Variants in TARDBP observed in about 807,000 individuals in gnomAD.
TARDBP encodes the protein TAR DNA binding protein, also known as TAR DNA-binding protein 43.
In TARDBP, 4 loss-of-function variants were observed where a neutral mutation model predicts 38.3. That is an observed-to-expected ratio of 0.10 (90% confidence interval 0.05 to 0.24). The LOEUF (loss-of-function observed/expected upper bound fraction) is 0.24. Among genes scored for constraint, TARDBP ranks in the 10% least tolerant of loss-of-function variants. The pLI is 1.00. For synonymous variants in TARDBP, 184 were observed against 183.8 expected, an observed-to-expected ratio of 1.00 and a Z score of -0.01; for missense variants, 202 against 521.9, an observed-to-expected ratio of 0.39 and a Z score of 5.97.
rs1455796855 is a variant in TARDBP at position 11,024,880 on chromosome 1, TG to T, written c.*2228del. The T allele has an allele frequency of 6.5e-6, 1 of 152,702 alleles. No individual in the cohort carries two copies. The highest frequency in any genetic ancestry group is 2.4e-5 in the African/African-American group (1 of 41,478). The allele number at this position is 152,702 out of a possible 1,614,324, so 9.5% of individuals were successfully genotyped here. A position where few individuals can be genotyped will look rare whatever the true frequency, so the allele number is the denominator to read the frequency against. On this transcript the variant is annotated 3_prime_UTR_variant, in exon 6 of 6. Coordinates refer to ENST00000240185, the MANE Select transcript of TARDBP (RefSeq NM_007375.4). Reference sequence around the variant, plus strand: ...TGGAAGAATGTGATATTTGTTGTGTTGGTAGTTTACCTAATGCCCTTACCTA... The same window carrying T: ...TGGAAGAATGTGATATTTGTTGTGTTGTAGTTTACCTAATGCCCTTACCTA...
At chr1:11,027,547 T>C, downstream of TARDBP, 1 of 1,614,246 alleles carries the variant, frequency 6.2e-7, no homozygotes, top group Non-Finnish European at 8.5e-7. Flanking sequence ...CCTGCTGCTG[T>C]GGTTCCACCT....
At chr1:11,026,602 G>A (rs1223830444), downstream of TARDBP, 1 of 264,070 alleles carries the variant, frequency 3.8e-6, no homozygotes, top group Non-Finnish European at 7.1e-6. Context: ...AAAAGAGACT[G>A]GCTTTTTAAG....
chr1:11,018,921 A>AGGATTGT (rs1557657865), intron 4 of TARDBP, 48 bp downstream of exon 4: 1 of 1,612,862 alleles, frequency 6.2e-7, no homozygotes, highest in Admixed American at 1.7e-5. Context: ...ACTTCCTTAG[A>AGGATTGT]GGATTGTAAG....
At position 11,023,113 on chromosome 1, in the gene TARDBP, G is replaced by A; in HGVS notation, c.*459G>A. 6.5e-7 allele frequency: 1 copy of A among 1,531,768 alleles called. No individual in the cohort carries two copies. Among genetic ancestry groups the A allele is most frequent in the Non-Finnish European group, 8.8e-7 (1 of 1,134,930 alleles). 94.9% of individuals were successfully genotyped at this position (1,531,768 alleles called of 1,614,324 possible). On this transcript the variant is annotated 3_prime_UTR_variant, in exon 6 of 6. Coordinates refer to ENST00000240185, the MANE Select transcript of TARDBP (RefSeq NM_007375.4). ...GGAGATCATGGTGTCACAGTGTTTG[G>A]TTCTTTTGTTTTGTTTTTTAACACT...
chr1:11,028,242 T>C (rs571734586), downstream of TARDBP, among the ~76,000 whole-genome samples: 2 of 151,842 alleles, frequency 1.3e-5, no homozygotes, highest in Admixed American at 6.6e-5. Context: ...ATTAGGAAAA[T>C]TAACAGGGCA....
downstream of TARDBP, chr1:11,025,917 G>C (rs74054484): frequency 0.027 from 4,148 of 154,924 alleles, 190 homozygotes; most frequent in African/African-American, 0.095. Context: ...GTGTGTATTA[G>C]GGTTCTGTAC....
chr1:11,029,878 C>CAAAG (rs1643812881), downstream of TARDBP: 3 of 197,680 alleles, frequency 1.5e-5, no homozygotes, highest in Non-Finnish European at 2.0e-5. Flanking sequence ...CCTGCCTCGG[C>CAAAG]CTCCCAAAGT....
intron 2 of TARDBP, among the ~76,000 whole-genome samples, chr1:11,015,039 G>A (rs1416012909): frequency 2.0e-5 from 3 of 151,628 alleles, no homozygotes; most frequent in East Asian, 3.9e-4. Flanking sequence ...CCTGGGAGGC[G>A]GAGATTACTT....
downstream of TARDBP, chr1:11,027,312 T>C (rs1170938715): frequency 6.2e-7 from 1 of 1,614,056 alleles, no homozygotes; most frequent in South Asian, 1.1e-5. Flanking sequence ...GATGTTGCTA[T>C]TGATTACAAC....
intron 3 of TARDBP, 125 bp downstream of exon 3, chr1:11,017,132 C>A: frequency 9.7e-7 from 1 of 1,027,050 alleles, no homozygotes; most frequent in Non-Finnish European, 1.5e-6. Flanking sequence ...AACTCCTGGG[C>A]CCATACTGTC....
chr1:11,014,155 A>G (rs893744000), intron 2 of TARDBP, among the ~76,000 whole-genome samples, 190 bp downstream of exon 2: 2 of 152,228 alleles, frequency 1.3e-5, no homozygotes, highest in Admixed American at 1.3e-4. Flanking sequence ...AGATCATTTT[A>G]AAAGAGAAAA....
At position 11,024,958 on chromosome 1, in the gene TARDBP, T is replaced by A. The variant is rs1387906014; in HGVS notation, c.*2304T>A. The A allele has an allele frequency of 1.3e-5, 2 of 149,320 alleles. No individual in the cohort carries two copies. Among genetic ancestry groups the A allele is most frequent in the East Asian group, 4.0e-4 (2 of 5,056 alleles). 9.2% of individuals were successfully genotyped at this position (149,320 alleles called of 1,614,324 possible). ...ATTTTGCAAGTTACATAAACATTTA[T>A]CAATGAAGTCATCCTTTAGACTTGT... On this transcript the variant is annotated 3_prime_UTR_variant, in exon 6 of 6. Transcript: ENST00000240185.
At chr1:11,014,040 C>G in intron 2 of TARDBP, 75 bp downstream of exon 2, 1 of 1,432,670 alleles carries the variant, frequency 7.0e-7, no homozygotes. Context: ...ATCTTAGCCT[C>G]TTTTGGTGGC....
chr1:11,020,298 A>T, intron 4 of TARDBP, 131 bp from the exon 5 acceptor site: 1 of 1,038,952 alleles, frequency 9.6e-7, no homozygotes, highest in Non-Finnish European at 1.4e-6. Flanking sequence ...GGAAAAAATT[A>T]AGGGTACGTC....
At chr1:11,027,467 G>A (rs1782455), downstream of TARDBP, 1,301,047 of 1,613,586 alleles carry the variant, frequency 0.81, 534,265 homozygotes, top group East Asian at 0.87. Flanking sequence ...TGTCCAGGGC[G>A]GATGCATCAT....
rs1643464848 is a variant in TARDBP, at chr1:11,013,910, G to A, written c.183G>A (p.Leu61=). 6.2e-7 allele frequency: 1 copy of A among 1,614,178 alleles called. No homozygotes were observed. Among genetic ancestry groups the A allele is most frequent in the East Asian group, 2.2e-5 (1 of 44,880 alleles). ...MRGVRLVEGI[L]HAPDAGWGNL... The stretch of plus-strand genomic sequence containing the variant: ...GTGTCCGGCTGGTAGAAGGAATTCT[G>A]CATGCCCCAGATGCTGGCTGGGGAA... Residue 61 remains leucine (L), a synonymous_variant, in exon 2 of 6, where the codon CTG becomes CTA. Transcript: ENST00000240185.
At chr1:11,027,740 G>A (rs1643764117), downstream of TARDBP, 10 of 1,365,590 alleles carry the variant, frequency 7.3e-6, no homozygotes, top group Admixed American at 2.4e-5. Context: ...TATATTTGAT[G>A]TCAACCAAAA....
At chr1:11,027,459 T>C (rs764475083), downstream of TARDBP, 1 of 1,614,056 alleles carries the variant, frequency 6.2e-7, no homozygotes, top group Admixed American at 1.7e-5. Flanking sequence ...CATTCGAATG[T>C]CCAGGGCGGA....
chr1:11,027,208 A>G (rs377154906), downstream of TARDBP: 118 of 1,614,096 alleles, frequency 7.3e-5, 1 homozygote, highest in Non-Finnish European at 9.9e-5. Context: ...CTAGCAAGAA[A>G]ACCCCTTTGG....
Sources: gnomAD v4.1 joint callset for allele counts (sites outside exome capture counted in the v4.1 genomes callset) on GRCh38, gnomAD v4.1.1 for gene constraint, MANE v1.5 for transcripts, NCBI Gene and HGNC (gene_info 2026-07-23, HGNC 2026-07-21) for gene names.